The following CCDC60 variants were observed in gnomAD, a reference collection of about 807,000 sequenced individuals.
CCDC60 encodes the protein coiled-coil domain-containing protein 60.
Under a neutral mutation model 63.5 loss-of-function variants are expected in CCDC60, and 54 were observed. That is an observed-to-expected ratio of 0.85 (90% confidence interval 0.68 to 1.07). The LOEUF is 1.07. Among genes scored for constraint, CCDC60 ranks in the 50% least tolerant of loss-of-function variants. CCDC60 has a pLI of 0.00. For synonymous variants in CCDC60, 206 were observed against 238.8 expected (o/e 0.86, Z 1.27); for missense variants, 651 against 684.3 (o/e 0.95, Z 0.54).
chr12:119,464,297 G>C lies in CCDC60; in HGVS notation c.171-7697G>C, dbSNP rs1593125613. Among the ~76,000 whole-genome samples the C allele has an allele frequency of 3.1e-5, 3 of 97,040 alleles. 1 individual carries two copies. The highest frequency in any genetic ancestry group is 1.4e-4 in the African/African-American group (3 of 21,290). 63.7% of individuals were successfully genotyped at this position (97,040 alleles called of 152,430 possible). Reference sequence around the variant, plus strand: ...ATTTTGCCAGAGTTGGGTTGCAAGAGCAACCCCCCCCCCACTCTTCCTTAC... The same window carrying C: ...ATTTTGCCAGAGTTGGGTTGCAAGACCAACCCCCCCCCCACTCTTCCTTAC... On this transcript the variant is annotated intron_variant, in intron 2 of 13. Coordinates refer to ENST00000327554, the MANE Select transcript of CCDC60 (RefSeq NM_178499.5).
intron 1 of CCDC60, among the ~76,000 whole-genome samples, chr12:119,392,557 G>A (rs189562146): frequency 6.6e-6 from 1 of 152,302 alleles, no homozygotes; most frequent in Admixed American, 6.5e-5. Context: ...CCAACGCAGG[G>A]TGCATAATAA....
intron 1 of CCDC60, among the ~76,000 whole-genome samples, chr12:119,400,920 G>A (rs1229201776): frequency 2.0e-5 from 3 of 152,212 alleles, no homozygotes; most frequent in Non-Finnish European, 2.9e-5. Flanking sequence ...CAACCATGAG[G>A]GGAAGATGTC....
intron 8 of CCDC60, among the ~76,000 whole-genome samples, chr12:119,519,772 A>AT (rs1952464479): frequency 6.6e-6 from 1 of 151,578 alleles, no homozygotes; most frequent in African/African-American, 2.4e-5. Flanking sequence ...CAGTAGCTAT[A>AT]TTTTTTAAAC....
intron 4 of CCDC60, among the ~76,000 whole-genome samples, chr12:119,488,189 C>T (rs1423404144): frequency 6.6e-6 from 1 of 152,146 alleles, no homozygotes; most frequent in African/African-American, 2.4e-5. Flanking sequence ...CTTCAAAACC[C>T]AGCTACATTT....
At chr12:119,515,204 G>A (rs116691326) in intron 7 of CCDC60, among the ~76,000 whole-genome samples, 2,488 of 152,278 alleles carry the variant, frequency 0.016, 59 homozygotes, top group African/African-American at 0.057. Context: ...TCCAAATAAG[G>A]TCATCGACTG....
intron 2 of CCDC60, among the ~76,000 whole-genome samples, chr12:119,451,727 A>G (rs1207399929): frequency 2.6e-5 from 4 of 152,208 alleles, no homozygotes; most frequent in Admixed American, 1.3e-4. Context: ...TCAGTGTCCA[A>G]TAAAGATATC....
intron 2 of CCDC60, among the ~76,000 whole-genome samples, chr12:119,446,957 G>A (rs1950554944): frequency 6.6e-6 from 1 of 152,196 alleles, no homozygotes; most frequent in Non-Finnish European, 1.5e-5. Context: ...CTCCTGCTGT[G>A]AGTCAGGCAC....
At chr12:119,478,364 C>T (rs961673420) in intron 3 of CCDC60, among the ~76,000 whole-genome samples, 1 of 151,564 alleles carries the variant, frequency 6.6e-6, no homozygotes, top group South Asian at 2.1e-4. Context: ...ACAACCACCC[C>T]CCCCCAAAAA....
At position 119,335,100 on chromosome 12, in the gene CCDC60, C is replaced by A; in HGVS notation, c.-77C>A. 3 of 1,173,394 alleles carry A rather than the reference C, an allele frequency of 2.6e-6. No homozygotes were observed. The highest frequency in any genetic ancestry group is 3.7e-6 in the Non-Finnish European group (3 of 817,780). 72.7% of individuals were successfully genotyped at this position (1,173,394 alleles called of 1,614,324 possible). On this transcript the variant is annotated 5_prime_UTR_variant, in exon 1 of 14. Transcript: ENST00000327554. Reference sequence around the variant, plus strand: ...GAGAAGTTGCCGAAACTTCTCATACCAGTAACTACTGAAGTAGAAGATTCT... The same window carrying A: ...GAGAAGTTGCCGAAACTTCTCATACAAGTAACTACTGAAGTAGAAGATTCT...
At chr12:119,355,281 C>T (rs1405695377) in intron 1 of CCDC60, among the ~76,000 whole-genome samples, 2 of 152,190 alleles carry the variant, frequency 1.3e-5, no homozygotes, top group Admixed American at 1.3e-4. Flanking sequence ...GGTTCAGGCA[C>T]ATACTCAGAG....
chr12:119,339,545 G>A (rs374632215), intron 1 of CCDC60, among the ~76,000 whole-genome samples: 29 of 152,146 alleles, frequency 1.9e-4, no homozygotes, highest in Non-Finnish European at 3.4e-4. Context: ...AACACTTTGG[G>A]GGGGGCCGAG....
chr12:119,452,781 T>G (rs1190290924), intron 2 of CCDC60, among the ~76,000 whole-genome samples: 1 of 152,070 alleles, frequency 6.6e-6, no homozygotes, highest in African/African-American at 2.4e-5. Context: ...CCCACAGCAA[T>G]TTTTTGGTAG....
chr12:119,536,782 T>G (rs963721061), intron 13 of CCDC60, among the ~76,000 whole-genome samples: 9 of 152,338 alleles, frequency 5.9e-5, no homozygotes, highest in African/African-American at 2.2e-4. Context: ...TGCTGAGAGA[T>G]CCACTGTTAG....
chr12:119,365,056 T>C (rs1428708205), intron 1 of CCDC60, among the ~76,000 whole-genome samples: 2 of 152,192 alleles, frequency 1.3e-5, no homozygotes, highest in Non-Finnish European at 2.9e-5. Context: ...AAAATATTGT[T>C]CCATTTAATC....
chr12:119,350,260 T>C (rs12820010), intron 1 of CCDC60, among the ~76,000 whole-genome samples: 1,816 of 152,124 alleles, frequency 0.012, 21 homozygotes, highest in Non-Finnish European at 0.018. Flanking sequence ...TGCAGTAGCA[T>C]GATCTCGGCT....
chr12:119,378,751 C>G (rs891156358), intron 1 of CCDC60, among the ~76,000 whole-genome samples: 1 of 152,104 alleles, frequency 6.6e-6, no homozygotes, highest in African/African-American at 2.4e-5. Flanking sequence ...TTTGTTTTTG[C>G]GAAGATCCTC....
At chr12:119,525,527 AT>A (rs1034580362) in intron 11 of CCDC60, among the ~76,000 whole-genome samples, 3 of 152,230 alleles carry the variant, frequency 2.0e-5, no homozygotes, top group Admixed American at 6.5e-5. Flanking sequence ...TCAACAAAGA[AT>A]TTCATATCCA....
chr12:119,471,159 T>C (rs753207704), intron 2 of CCDC60, among the ~76,000 whole-genome samples: 4 of 152,180 alleles, frequency 2.6e-5, no homozygotes, highest in African/African-American at 4.8e-5. Flanking sequence ...GTGTAGCCCA[T>C]CACGACTGAG....
chr12:119,432,293 G>A (rs1049718962), intron 2 of CCDC60, among the ~76,000 whole-genome samples: 6 of 152,192 alleles, frequency 3.9e-5, no homozygotes, highest in African/African-American at 9.6e-5. Context: ...GCATGGCGAG[G>A]GATGAGCCTC....
Sources: allele counts gnomAD v4.1 joint callset (sites outside exome capture counted in the v4.1 genomes callset), GRCh38; gene constraint gnomAD v4.1.1; transcripts MANE v1.5; gene names NCBI Gene and HGNC (gene_info 2026-07-23, HGNC 2026-07-21).